The following HSF2BP variants were observed in gnomAD, a reference collection of about 807,000 sequenced individuals.
HSF2BP encodes the protein heat shock factor 2-binding protein.
HSF2BP carries 35 observed loss-of-function variants against 35.0 expected under a neutral mutation model. The observed-to-expected ratio is 1.00, with a 90% CI of 0.76 to 1.32. The LOEUF (loss-of-function observed/expected upper bound fraction) is 1.32. Among genes scored for constraint, HSF2BP ranks in the 40% most tolerant of loss-of-function variants. The pLI, the probability that HSF2BP is intolerant of heterozygous loss-of-function variation, is 0.00. For synonymous variants in HSF2BP, 114 were observed against 117.4 expected, an observed-to-expected ratio of 0.97 and a Z score of 0.18; for missense variants, 326 against 321.7, an observed-to-expected ratio of 1.01 and a Z score of -0.10.
chr21:43,635,464 T>C (rs1223915616), intron 4 of HSF2BP, among the ~76,000 whole-genome samples: 2 of 152,206 alleles, frequency 1.3e-5, no homozygotes, highest in Non-Finnish European at 2.9e-5. Flanking sequence ...AGAACCATTG[T>C]GGTATTGCTA....
intron 3 of HSF2BP, among the ~76,000 whole-genome samples, chr21:43,647,548 A>G (rs984146296): frequency 5.9e-5 from 9 of 152,164 alleles, no homozygotes; most frequent in Non-Finnish European, 1.3e-4. Context: ...CTTTCTTAAT[A>G]CAGGTCTAAT....
intron 4 of HSF2BP, among the ~76,000 whole-genome samples, chr21:43,635,049 G>A (rs948549219): frequency 3.3e-5 from 5 of 151,644 alleles, no homozygotes; most frequent in Non-Finnish European, 7.4e-5. Context: ...ATTCCCCAAC[G>A]CAGGGTTCCA....
intron 4 of HSF2BP, among the ~76,000 whole-genome samples, chr21:43,641,647 T>C (rs993077985): frequency 6.6e-6 from 1 of 152,186 alleles, no homozygotes; most frequent in African/African-American, 2.4e-5. Context: ...TTTTCACTCA[T>C]ACAGAAGTAC....
At chr21:43,582,593 G>A (rs2081771752) in intron 8 of HSF2BP, among the ~76,000 whole-genome samples, 1 of 60,202 alleles carries the variant, frequency 1.7e-5, no homozygotes, top group Admixed American at 1.3e-4. Context: ...GCCTGCTGAA[G>A]GAGATGAAGG....
chr21:43,613,688 C>T (rs2146921596), intron 7 of HSF2BP, 142 bp downstream of exon 7: 1 of 666,654 alleles, frequency 1.5e-6, no homozygotes, highest in Non-Finnish European at 2.6e-6. Context: ...ACAGTGCACG[C>T]CCTTAACTTC....
intron 8 of HSF2BP, among the ~76,000 whole-genome samples, chr21:43,587,646 C>T (rs1048752775): frequency 1.4e-5 from 1 of 71,762 alleles, no homozygotes; most frequent in Non-Finnish European, 2.6e-5. Flanking sequence ...ACCTGGACAA[C>T]AAAAGCGAAA....
chr21:43,636,394 A>C (rs745859215), intron 4 of HSF2BP, among the ~76,000 whole-genome samples: 16 of 152,144 alleles, frequency 1.1e-4, no homozygotes, highest in Non-Finnish European at 1.9e-4. Flanking sequence ...TTAAAAAATA[A>C]TAATAAAGTA....
intron 7 of HSF2BP, among the ~76,000 whole-genome samples, chr21:43,604,688 ACAC>A (rs1291211141): frequency 1.0e-5 from 1 of 100,056 alleles, no homozygotes; most frequent in East Asian, 4.1e-4. Context: ...CACCACACAC[ACAC>A]TACACACTGC....
intron 2 of HSF2BP, 56 bp from the exon 3 acceptor site, chr21:43,656,793 A>C: frequency 1.3e-6 from 2 of 1,496,340 alleles, no homozygotes; most frequent in Non-Finnish European, 1.8e-6. Flanking sequence ...AAAAAACAAC[A>C]GCTCAAGTTA....
At chr21:43,575,044 C>A (rs146044955) in intron 8 of HSF2BP, among the ~76,000 whole-genome samples, 117 of 152,380 alleles carry the variant, frequency 7.7e-4, no homozygotes, top group South Asian at 7.0e-3. Flanking sequence ...TCCCTCCCCT[C>A]CTGCTGCTCA....
At chr21:43,644,476 G>A in intron 3 of HSF2BP, 84 bp from the exon 4 acceptor site, 1 of 977,392 alleles carries the variant, frequency 1.0e-6, no homozygotes, top group Admixed American at 1.9e-5. Context: ...TCTTGACTTA[G>A]TAAAATGTGT....
At chr21:43,495,532 G>C in the HSF2BP span, among the ~76,000 whole-genome samples, 5 of 108,404 alleles carry the variant, frequency 4.6e-5, 2 homozygotes, top group Middle Eastern at 4.3e-3. Context: ...GCAACTGCTT[G>C]TGAGAAGGAG....
intron 7 of HSF2BP, among the ~76,000 whole-genome samples, chr21:43,604,196 T>G: frequency 6.6e-6 from 1 of 150,764 alleles, no homozygotes; most frequent in Non-Finnish European, 1.5e-5. Context: ...GGCAGGAGGA[T>G]TACACACACA....
chr21:43,618,308 C>T (rs559281584), intron 6 of HSF2BP, among the ~76,000 whole-genome samples: 76 of 151,858 alleles, frequency 5.0e-4, no homozygotes, highest in African/African-American at 1.8e-3. Context: ...AAAGGATATA[C>T]AGAGTTGAGA....
chr21:43,627,632 T>G (rs1397555010), intron 6 of HSF2BP, among the ~76,000 whole-genome samples: 1 of 152,170 alleles, frequency 6.6e-6, no homozygotes, highest in Non-Finnish European at 1.5e-5. Context: ...CTGAAAACAC[T>G]CCTGAGAGAT....
intron 8 of HSF2BP, among the ~76,000 whole-genome samples, chr21:43,585,917 T>A (rs1051007174): frequency 6.6e-6 from 1 of 152,212 alleles, no homozygotes; most frequent in Non-Finnish European, 1.5e-5. Context: ...TAGATGTCCA[T>A]GTGGAGATAT....
intron 4 of HSF2BP, among the ~76,000 whole-genome samples, chr21:43,638,350 C>A (rs1693924896): frequency 1.3e-5 from 2 of 152,012 alleles, no homozygotes; most frequent in African/African-American, 2.4e-5. Flanking sequence ...CCCAGCTACT[C>A]GTGAGGCTGA....
chr21:43,585,645 CAAA>C (rs111309484), intron 8 of HSF2BP, among the ~76,000 whole-genome samples: 1 of 114,894 alleles, frequency 8.7e-6, no homozygotes, highest in African/African-American at 3.2e-5. Flanking sequence ...GACTCTGTCT[CAAA>C]AAAAAAAAAA....
At chr21:43,505,379 G>A in the HSF2BP span, among the ~76,000 whole-genome samples, 2 of 110,374 alleles carry the variant, frequency 1.8e-5, no homozygotes, top group African/African-American at 8.1e-5. Context: ...CAGTCTTAAC[G>A]CTATGCAGCA....
Sources: gnomAD v4.1 joint callset for allele counts (sites outside exome capture counted in the v4.1 genomes callset) on GRCh38, gnomAD v4.1.1 for gene constraint, MANE v1.5 for transcripts, NCBI Gene and HGNC (gene_info 2026-07-23, HGNC 2026-07-21) for gene names.